GNAO1: variants seen among roughly 807,000 people sequenced by gnomAD.
The protein encoded by GNAO1 is guanine nucleotide-binding protein G(o) subunit alpha.
For synonymous variants in GNAO1, 164 were observed against 180.7 expected (o/e 0.91, Z 0.74); for missense variants, 166 against 478.7 (o/e 0.35, Z 6.10).
At chr16:56,321,704 A>G (rs968398583) in intron 3 of GNAO1, among the ~76,000 whole-genome samples, 2 of 152,116 alleles carry the variant, frequency 1.3e-5, no homozygotes, top group Admixed American at 6.5e-5. Flanking sequence ...ACAAAGGCAG[A>G]GAGGGCAGCT....
At chr16:56,285,186 G>A (rs150252823) in intron 3 of GNAO1, among the ~76,000 whole-genome samples, 4 of 152,304 alleles carry the variant, frequency 2.6e-5, no homozygotes, top group Non-Finnish European at 5.9e-5. Flanking sequence ...AACAGTAAAC[G>A]AAAACTGCAA....
intron 2 of GNAO1, among the ~76,000 whole-genome samples, chr16:56,250,215 A>G (rs1377615339): frequency 6.6e-6 from 1 of 152,218 alleles, no homozygotes; most frequent in Non-Finnish European, 1.5e-5. Flanking sequence ...ACAGTGTGGC[A>G]TGGAATGAAG....
At chr16:56,198,824 AG>A (rs1234045028) in intron 2 of GNAO1, among the ~76,000 whole-genome samples, 1 of 152,214 alleles carries the variant, frequency 6.6e-6, no homozygotes, top group Non-Finnish European at 1.5e-5. Flanking sequence ...GAGAAGCAGA[AG>A]GGGGGTGCTG....
intron 2 of GNAO1, among the ~76,000 whole-genome samples, chr16:56,247,872 C>T (rs1433129290): frequency 6.6e-6 from 1 of 152,194 alleles, no homozygotes; most frequent in Non-Finnish European, 1.5e-5. Flanking sequence ...ATAATCCCTA[C>T]ATTAGGATAT....
intron 2 of GNAO1, among the ~76,000 whole-genome samples, chr16:56,257,698 A>G (rs1164626226): frequency 6.6e-6 from 1 of 152,256 alleles, no homozygotes. Context: ...TGAAAAAAAA[A>G]TCTTCCATTA....
intron 3 of GNAO1, among the ~76,000 whole-genome samples, chr16:56,303,656 G>A (rs1390790399): frequency 6.6e-6 from 1 of 152,138 alleles, no homozygotes; most frequent in Non-Finnish European, 1.5e-5. Flanking sequence ...AAGCATGATG[G>A]CTGACAGCGA....
At chr16:56,215,195 G>T (rs149226744) in intron 2 of GNAO1, among the ~76,000 whole-genome samples, 1 of 152,228 alleles carries the variant, frequency 6.6e-6, no homozygotes. Flanking sequence ...TCCTCTGGAA[G>T]CTGAACCACA....
chr16:56,332,309 G>C (rs2037697123), intron 4 of GNAO1, among the ~76,000 whole-genome samples: 1 of 152,162 alleles, frequency 6.6e-6, no homozygotes, highest in East Asian at 1.9e-4. Flanking sequence ...CCCACCACCT[G>C]GCCCCTCCAC....
chr16:56,275,834 C>A, intron 2 of GNAO1, 97 bp from the exon 3 acceptor site: 1 of 1,037,830 alleles, frequency 9.6e-7, no homozygotes, highest in Non-Finnish European at 1.3e-6. Flanking sequence ...CTCGGCTGGA[C>A]CTGGCCCACA....
In GNAO1 at chr16:56,351,569, G is replaced by A. The variant is rs1286875371; in HGVS notation, c.877+32G>A. ...GCCAGGCAGTCCTGTGCAGGGGGAA[G>A]CCTGCCCCTGACAGGGACCCATGGC... On this transcript the variant is annotated intron_variant, in intron 7 of 8. Coordinates refer to ENST00000262493, the MANE Select transcript of GNAO1 (RefSeq NM_020988.3). The surrounding 1 kb of genome is among the most constrained non-coding windows in gnomAD (Gnocchi z 6.1). 6.3e-7 allele frequency: 1 copy of A among 1,575,004 alleles called. No individual in the cohort carries two copies. The highest frequency in any genetic ancestry group is 1.3e-5 in the African/African-American group (1 of 74,412).
chr16:56,194,320 C>G, intron 2 of GNAO1: 1 of 455,242 alleles, frequency 2.2e-6, no homozygotes, highest in Non-Finnish European at 4.4e-6. Flanking sequence ...CATGTTGCAT[C>G]TGTCTGGAGC....
intron 3 of GNAO1, among the ~76,000 whole-genome samples, chr16:56,304,078 G>T (rs1283038126): frequency 6.6e-6 from 1 of 152,170 alleles, no homozygotes; most frequent in Non-Finnish European, 1.5e-5. Flanking sequence ...CAGTTTGTTG[G>T]TACATCCTGG....
At chr16:56,266,960 C>T (rs1359036253) in intron 2 of GNAO1, among the ~76,000 whole-genome samples, 2 of 152,336 alleles carry the variant, frequency 1.3e-5, no homozygotes, top group East Asian at 1.9e-4. Context: ...CCCCAGCCGC[C>T]ACCGTGTCCA....
intron 2 of GNAO1, among the ~76,000 whole-genome samples, chr16:56,238,202 G>A (rs560858486): frequency 1.3e-5 from 2 of 148,720 alleles, no homozygotes; most frequent in African/African-American, 4.9e-5. Context: ...TTTTCAAAAC[G>A]TGGGACCAAG....
At chr16:56,323,824 A>C (rs1000682770) in intron 3 of GNAO1, among the ~76,000 whole-genome samples, 1 of 152,104 alleles carries the variant, frequency 6.6e-6, no homozygotes, top group Non-Finnish European at 1.5e-5. Flanking sequence ...CGAGGCAGGG[A>C]GCCCATGGGA....
At chr16:56,249,754 C>T (rs1292297607) in intron 2 of GNAO1, among the ~76,000 whole-genome samples, 1 of 152,198 alleles carries the variant, frequency 6.6e-6, no homozygotes, top group Non-Finnish European at 1.5e-5. Context: ...CTGGCTCCTC[C>T]CTGCAGCAGC....
chr16:56,259,404 C>A (rs730301), intron 2 of GNAO1, among the ~76,000 whole-genome samples: 6 of 151,344 alleles, frequency 4.0e-5, no homozygotes, highest in Non-Finnish European at 8.8e-5. Context: ...TGTATTCTAC[C>A]CCTTCTCACC....
At position 56,328,715 on chromosome 16, in the gene GNAO1, C is replaced by G. The variant is rs539662922; in HGVS notation, c.388C>G (p.Arg130Gly). Residue 130 changes from arginine (R) to glycine (G), a missense_variant, in exon 4 of 9, where the codon CGG becomes GGG. By Grantham distance (125) the Arg-to-Gly change is moderately radical. Coordinates refer to ENST00000262493, the MANE Select transcript of GNAO1 (RefSeq NM_020988.3). ...TGCAGAGCTGCTTTCTGCCATGATG[C>G]GGCTCTGGGGCGACTCAGGAATCCA... ...FSAELLSAMM[R>G]LWGDSGIQEC... is the part of the protein sequence containing the mutation. 4 of 1,614,186 alleles carry G rather than the reference C, an allele frequency of 2.5e-6. No individual in the cohort carries two copies. In the South Asian group the frequency reaches 4.4e-5, roughly 18 times the overall value.
chr16:56,252,721 A>C (rs543435040), intron 2 of GNAO1, among the ~76,000 whole-genome samples: 12 of 152,136 alleles, frequency 7.9e-5, no homozygotes, highest in Non-Finnish European at 1.6e-4. Context: ...CCACACCCCC[A>C]CATCAGGAAT....
Sources: allele counts gnomAD v4.1 joint callset (sites outside exome capture counted in the v4.1 genomes callset), GRCh38; gene constraint gnomAD v4.1.1; non-coding constraint Gnocchi (gnomAD v3.1); transcripts MANE v1.5; gene names NCBI Gene and HGNC (gene_info 2026-07-23, HGNC 2026-07-21).